COL26A1: variants seen among roughly 807,000 people sequenced by gnomAD.
COL26A1 encodes the protein collagen type XXVI alpha 1 chain, also known as collagen alpha-1(XXVI) chain.
Under a neutral mutation model 59.3 loss-of-function variants are expected in COL26A1, and 41 were observed. That is an observed-to-expected ratio of 0.69 (90% confidence interval 0.54 to 0.90). The LOEUF (loss-of-function observed/expected upper bound fraction) is 0.90. Ranked by LOEUF, COL26A1 falls within the 40% of genes least tolerant of loss-of-function variation. The pLI is 0.00. For synonymous variants in COL26A1, 266 were observed against 256.0 expected (o/e 1.04, Z -0.37); for missense variants, 612 against 602.3 (o/e 1.02, Z -0.17).
intron 1 of COL26A1, among the ~76,000 whole-genome samples, chr7:101,374,917 C>T (rs1371462354): frequency 6.6e-6 from 1 of 151,992 alleles, no homozygotes; most frequent in Non-Finnish European, 1.5e-5. Context: ...AAGAATTAGC[C>T]AGGTGTGTTG....
chr7:101,556,018 A>G, intron 12 of COL26A1, 147 bp downstream of exon 12: 1 of 646,038 alleles, frequency 1.5e-6, no homozygotes, highest in Non-Finnish European at 2.7e-6. Flanking sequence ...AAGGACCCTC[A>G]GTGGCTCCCT....
At chr7:101,520,424 C>T (rs989478562) in intron 3 of COL26A1, among the ~76,000 whole-genome samples, 2 of 152,154 alleles carry the variant, frequency 1.3e-5, no homozygotes, top group African/African-American at 4.8e-5. Flanking sequence ...ATGGCTCATA[C>T]CTGTAATCCC....
chr7:101,398,128 G>A (rs968519422), intron 1 of COL26A1, among the ~76,000 whole-genome samples: 1 of 151,900 alleles, frequency 6.6e-6, no homozygotes, highest in Admixed American at 6.5e-5. Context: ...GAAGTGGCTT[G>A]TGCTTTTTCA....
intron 1 of COL26A1, among the ~76,000 whole-genome samples, chr7:101,402,016 C>T (rs1056607312): frequency 3.9e-5 from 6 of 152,154 alleles, no homozygotes. Flanking sequence ...GACTTCATTA[C>T]CAGCCGGGTT....
At chr7:101,493,208 C>G (rs1794504309) in intron 3 of COL26A1, among the ~76,000 whole-genome samples, 1 of 152,082 alleles carries the variant, frequency 6.6e-6, no homozygotes, top group Non-Finnish European at 1.5e-5. Flanking sequence ...TAGGACGGAC[C>G]AGGCTGCCCA....
At chr7:101,512,520 G>A (rs995789097) in intron 3 of COL26A1, among the ~76,000 whole-genome samples, 2 of 152,162 alleles carry the variant, frequency 1.3e-5, no homozygotes, top group African/African-American at 4.8e-5. Flanking sequence ...TACTAGGGAG[G>A]CTGAGGCAGG....
At chr7:101,451,934 C>T (rs112229570) in intron 3 of COL26A1, among the ~76,000 whole-genome samples, 3,923 of 152,048 alleles carry the variant, frequency 0.026, 65 homozygotes, top group African/African-American at 0.036. Context: ...CTCGAACTCC[C>T]GGCCTCAGGT....
chr7:101,463,648 T>A (rs142133691), intron 3 of COL26A1, among the ~76,000 whole-genome samples: 1 of 103,070 alleles, frequency 9.7e-6, no homozygotes, highest in African/African-American at 3.6e-5. Flanking sequence ...CCTTCCATCC[T>A]TCCATCCTTC....
chr7:101,387,548 TC>T (rs1229319761), intron 1 of COL26A1, among the ~76,000 whole-genome samples: 75 of 149,942 alleles, frequency 5.0e-4, no homozygotes, highest in African/African-American at 1.7e-3. Context: ...TTTATTTTCT[TC>T]TTTTTATTTT....
intron 3 of COL26A1, among the ~76,000 whole-genome samples, chr7:101,521,326 C>G (rs1199314142): frequency 6.6e-6 from 1 of 152,186 alleles, no homozygotes; most frequent in African/African-American, 2.4e-5. Flanking sequence ...TACCCTATCT[C>G]AGGTATTTGG....
At chr7:101,512,284 C>T (rs1334336201) in intron 3 of COL26A1, among the ~76,000 whole-genome samples, 1 of 152,126 alleles carries the variant, frequency 6.6e-6, no homozygotes, top group Non-Finnish European at 1.5e-5. Flanking sequence ...AAAACTTGTC[C>T]ATCTTCTGTG....
At chr7:101,542,423 C>T (rs1218410210) in intron 5 of COL26A1, among the ~76,000 whole-genome samples, 1 of 152,174 alleles carries the variant, frequency 6.6e-6, no homozygotes, top group Non-Finnish European at 1.5e-5. Flanking sequence ...TCTTAATCTT[C>T]ACACAAAGCT....
intron 3 of COL26A1, 62 bp from the exon 4 acceptor site, chr7:101,533,020 C>T (rs1297919822): frequency 1.5e-6 from 2 of 1,293,432 alleles, no homozygotes; most frequent in Non-Finnish European, 2.2e-6. Context: ...ATCCTGGTGA[C>T]TGGGCTGCTG....
intron 9 of COL26A1, 112 bp from the exon 10 acceptor site, chr7:101,550,996 C>T (rs1795847894): frequency 8.0e-7 from 1 of 1,244,638 alleles, no homozygotes; most frequent in South Asian, 1.3e-5. Context: ...CCTCCTCTCC[C>T]TTCCTCTTCT....
At chr7:101,368,219 C>T (rs1410989119) in intron 1 of COL26A1, among the ~76,000 whole-genome samples, 1 of 152,132 alleles carries the variant, frequency 6.6e-6, no homozygotes, top group Non-Finnish European at 1.5e-5. Context: ...AGTGTTTTTC[C>T]ATTGGAAATC....
At chr7:101,453,851 A>G (rs2130398025) in intron 3 of COL26A1, among the ~76,000 whole-genome samples, 1 of 152,276 alleles carries the variant, frequency 6.6e-6, no homozygotes, top group East Asian at 1.9e-4. Flanking sequence ...CGCACCATTA[A>G]TTCCCTTTTG....
At chr7:101,475,910 CTCTCTCTCTTTCTT>C (rs1241214815) in intron 3 of COL26A1, among the ~76,000 whole-genome samples, 2 of 147,564 alleles carry the variant, frequency 1.4e-5, no homozygotes, top group Non-Finnish European at 3.0e-5. Context: ...CTCTTTCTCT[CTCTCTCTCTTTCTT>C]TCTCTCTCTC....
intron 1 of COL26A1, among the ~76,000 whole-genome samples, chr7:101,380,117 G>A (rs949374233): frequency 2.0e-5 from 3 of 151,474 alleles, no homozygotes; most frequent in East Asian, 2.0e-4. Context: ...TCAGCATCCC[G>A]AGTAGCTGGC....
At chr7:101,390,833 G>A (rs960152556) in intron 1 of COL26A1, among the ~76,000 whole-genome samples, 49 of 152,192 alleles carry the variant, frequency 3.2e-4, no homozygotes, top group Non-Finnish European at 3.7e-4. Context: ...CAGGGATTCC[G>A]AGGCTGGGAA....
Sources: allele counts gnomAD v4.1 joint callset (sites outside exome capture counted in the v4.1 genomes callset), GRCh38; gene constraint gnomAD v4.1.1; transcripts MANE v1.5; gene names NCBI Gene and HGNC (gene_info 2026-07-23, HGNC 2026-07-21).